Variants in EXT1 observed in about 807,000 individuals in gnomAD.
EXT1 encodes exostosin glycosyltransferase 1.
Under a neutral mutation model 82.5 loss-of-function variants are expected in EXT1, and 20 were observed. That is an observed-to-expected ratio of 0.24 (90% CI 0.17 to 0.35). The LOEUF is 0.35. Among genes scored for constraint, EXT1 ranks in the 10% least tolerant of loss-of-function variants. The pLI, the probability that EXT1 is intolerant of heterozygous loss-of-function variation, is 1.00. For synonymous variants in EXT1, 348 were observed against 350.8 expected (o/e 0.99, Z 0.09); for missense variants, 757 against 936.5 (o/e 0.81, Z 2.50).
rs1421401382 is a variant in EXT1 at position 117,973,180 on chromosome 8, G to C, written c.963-135979C>G. 3.9e-5 allele frequency among the ~76,000 whole-genome samples: 6 copies of C among 152,146 alleles called. No individual in the cohort carries two copies. The East Asian group carries it at 1.2e-3, about 29-fold the overall frequency. On this transcript the variant is annotated intron_variant, in intron 1 of 10. Coordinates refer to ENST00000378204, the MANE Select transcript of EXT1 (RefSeq NM_000127.3). ...GAAATCTCTCTGGATACCCCTCCTT[G>C]ATTCAATGTGGGCATCCTCATGAAA...
rs2129671471 is a variant in EXT1 at position 117,796,973 on chromosome 8, A to AT, written c.*2738dup. 6.6e-6 allele frequency: 1 copy of AT among 152,308 alleles called. No individual in the cohort carries two copies. Among genetic ancestry groups the AT allele is most frequent in the South Asian group, 2.1e-4 (1 of 4,822 alleles). 9.4% of individuals were successfully genotyped at this position (152,308 alleles called of 1,614,324 possible). On this transcript the variant is annotated 3_prime_UTR_variant, in exon 11 of 11. Transcript: ENST00000378204. ...CATAAGTGGCTGAGTCCTCTTTGGA[A>AT]TTTCTGCAAGCAATTCATTACGTGG... is the stretch of plus-strand genomic sequence containing the variant.
intron 10 of EXT1, 61 bp downstream of exon 10, chr8:117,804,661 C>T: frequency 6.3e-7 from 1 of 1,595,574 alleles, no homozygotes; most frequent in Non-Finnish European, 8.6e-7. Flanking sequence ...CGTGAGTCCT[C>T]ATTACCTGGG....
At chr8:117,841,285 C>T (rs140612464) in intron 1 of EXT1, among the ~76,000 whole-genome samples, 1 of 152,242 alleles carries the variant, frequency 6.6e-6, no homozygotes, top group East Asian at 1.9e-4. Flanking sequence ...GGAAATTATG[C>T]TGCATTAAAA....
intron 1 of EXT1, among the ~76,000 whole-genome samples, chr8:118,083,021 T>C (rs929347808): frequency 6.6e-6 from 1 of 152,222 alleles, no homozygotes; most frequent in Non-Finnish European, 1.5e-5. Flanking sequence ...TATGTACTTA[T>C]AGCCCAAGAC....
intron 1 of EXT1, among the ~76,000 whole-genome samples, chr8:117,894,188 C>A (rs1483904435): frequency 6.6e-6 from 1 of 151,980 alleles, no homozygotes; most frequent in Non-Finnish European, 1.5e-5. Context: ...CTTTTCTTTT[C>A]TTTTCTCTTT....
chr8:117,824,176 G>A (rs537016836), intron 4 of EXT1, among the ~76,000 whole-genome samples: 1 of 151,998 alleles, frequency 6.6e-6, no homozygotes, highest in African/African-American at 2.4e-5. Context: ...TGGATATCAA[G>A]ATAGAAAATA....
intron 1 of EXT1, among the ~76,000 whole-genome samples, chr8:117,972,148 CAAA>C (rs34241911): frequency 2.8e-5 from 3 of 107,412 alleles, no homozygotes. Flanking sequence ...AAAACTCCAA[CAAA>C]AAAAAAAAAA....
chr8:117,851,598 A>C (rs1812454419), intron 1 of EXT1, among the ~76,000 whole-genome samples: 1 of 141,914 alleles, frequency 7.0e-6, no homozygotes, highest in South Asian at 2.3e-4. Flanking sequence ...GATCTAAGAA[A>C]GCAGTGCAAT....
chr8:117,835,024 A>G (rs1563575149), intron 3 of EXT1, among the ~76,000 whole-genome samples: 1 of 152,232 alleles, frequency 6.6e-6, no homozygotes, highest in Non-Finnish European at 1.5e-5. Flanking sequence ...TTGAGGAACG[A>G]TAACACTAAT....
intron 8 of EXT1, 139 bp from the exon 9 acceptor site, chr8:117,807,516 T>A: frequency 1.1e-6 from 1 of 925,266 alleles, no homozygotes; most frequent in Non-Finnish European, 1.7e-6. Context: ...CATCAGCAAA[T>A]TAAACTGACT....
intron 7 of EXT1, 55 bp from the exon 8 acceptor site, chr8:117,813,016 CAG>C: frequency 1.4e-6 from 2 of 1,435,110 alleles, no homozygotes; most frequent in South Asian, 2.4e-5. Flanking sequence ...GAGGTAACTT[CAG>C]AGTCTTGTTT....
chr8:117,912,159 G>A lies in EXT1; in HGVS notation c.963-74958C>T, dbSNP rs150157552. On this transcript the variant is annotated intron_variant, in intron 1 of 10. Coordinates refer to ENST00000378204, the MANE Select transcript of EXT1 (RefSeq NM_000127.3). ...GATCAAAAATGGCACCATATTGCAA[G>A]AGGGAGAGAGAGACCCAAATTAACA... Among the ~76,000 whole-genome samples the A allele has an allele frequency of 2.4e-3, 369 of 152,290 alleles. 1 individual carries two copies. The highest frequency in any genetic ancestry group is 3.6e-3 in the Non-Finnish European group (243 of 68,018).
chr8:117,823,702 A>G (rs992821151), intron 4 of EXT1, among the ~76,000 whole-genome samples: 20 of 152,128 alleles, frequency 1.3e-4, no homozygotes, highest in African/African-American at 4.8e-4. Context: ...AGTGGGCTAC[A>G]TTTATCTTTG....
At chr8:117,988,760 C>T (rs1338416915) in intron 1 of EXT1, among the ~76,000 whole-genome samples, 2 of 152,122 alleles carry the variant, frequency 1.3e-5, no homozygotes, top group African/African-American at 4.8e-5. Flanking sequence ...TGGACGCAAC[C>T]GCTGCCTGGT....
Position 118,109,360 on chromosome 8 carries a change from T to A in EXT1, c.962+725A>T, listed in dbSNP as rs374903914. On this transcript the variant is annotated intron_variant, in intron 1 of 10. Transcript: ENST00000378204. Reference sequence around the variant, plus strand: ...AGACAGTGAGACTGAGGCCCACATTTAAAAAAAAAAAAAAAGTTTATCCTA... The same window carrying A: ...AGACAGTGAGACTGAGGCCCACATTAAAAAAAAAAAAAAAAGTTTATCCTA... 1.3e-4 allele frequency among the ~76,000 whole-genome samples: 18 copies of A among 138,596 alleles called. No individual in the cohort carries two copies. In the South Asian group the frequency reaches 3.0e-3, roughly 23 times the overall value. 90.9% of individuals were successfully genotyped at this position (138,596 alleles called of 152,430 possible).
chr8:118,046,685 T>C (rs1816628412), intron 1 of EXT1, among the ~76,000 whole-genome samples: 1 of 152,188 alleles, frequency 6.6e-6, no homozygotes, highest in Non-Finnish European at 1.5e-5. Flanking sequence ...CTTCTAAAAT[T>C]GAAAACTCCT....
intron 6 of EXT1, 111 bp downstream of exon 6, chr8:117,819,565 T>C (rs912701834): frequency 2.4e-5 from 20 of 849,538 alleles, no homozygotes; most frequent in South Asian, 1.6e-4. Flanking sequence ...GGTATGATGT[T>C]AGAGAAGTCC....
chr8:117,859,474 G>C (rs1392496828), intron 1 of EXT1, among the ~76,000 whole-genome samples: 1 of 152,108 alleles, frequency 6.6e-6, no homozygotes, highest in African/African-American at 2.4e-5. Context: ...GGTATGAGGG[G>C]GATTCTTCTA....
At chr8:117,956,451 T>G (rs1000569485) in intron 1 of EXT1, among the ~76,000 whole-genome samples, 2 of 149,414 alleles carry the variant, frequency 1.3e-5, no homozygotes, top group Middle Eastern at 3.5e-3. Context: ...TCTTAAACTC[T>G]AAAAAAAAAA....
Sources: gnomAD v4.1 joint callset for allele counts (sites outside exome capture counted in the v4.1 genomes callset) on GRCh38, gnomAD v4.1.1 for gene constraint, MANE v1.5 for transcripts, NCBI Gene and HGNC (gene_info 2026-07-23, HGNC 2026-07-21) for gene names.